The following ALPL variants were observed in gnomAD, a reference collection of about 807,000 sequenced individuals.
ALPL encodes the protein alkaline phosphatase, biomineralization associated.
ALPL carries 42 observed loss-of-function variants against 51.3 expected under a neutral mutation model. That is an observed-to-expected ratio of 0.82 (90% CI 0.64 to 1.06). ALPL has a LOEUF of 1.06. ALPL is among the 50% of genes least tolerant of loss of function. ALPL has a pLI of 0.00. For missense variants in ALPL, 589 were observed against 709.4 expected, an observed-to-expected ratio of 0.83 and a Z score of 1.93; for synonymous variants, 279 against 296.4, an observed-to-expected ratio of 0.94 and a Z score of 0.60.
At chr1:21,550,644 C>T (rs1644308648) in intron 1 of ALPL, among the ~76,000 whole-genome samples, 2 of 152,156 alleles carry the variant, frequency 1.3e-5, no homozygotes, top group South Asian at 4.1e-4. Flanking sequence ...AGCACCCACC[C>T]ACCCAGATCA....
chr1:21,532,247 A>C (rs1311955466), intron 1 of ALPL, among the ~76,000 whole-genome samples: 1 of 152,128 alleles, frequency 6.6e-6, no homozygotes, highest in Non-Finnish European at 1.5e-5. Context: ...GCTGGAGTGC[A>C]ATGGTGTGAT....
chr1:21,576,670 G>C, intron 11 of ALPL, 29 bp downstream of exon 11: 6 of 1,612,982 alleles, frequency 3.7e-6, no homozygotes, highest in Non-Finnish European at 5.1e-6. Context: ...AGGGCTGGGA[G>C]GGGACAGGGC....
At chr1:21,532,635 C>A (rs1644045572) in intron 1 of ALPL, among the ~76,000 whole-genome samples, 1 of 152,204 alleles carries the variant, frequency 6.6e-6, no homozygotes, top group Admixed American at 6.5e-5. Flanking sequence ...GAGAAAGCAG[C>A]CTCATTCTCT....
Position 21,546,280 on chromosome 1 carries a change from T to C in ALPL, c.-104-7698T>C, listed in dbSNP as rs143429840. Among the ~76,000 whole-genome samples the C allele has an allele frequency of 6.3e-4, 96 of 152,242 alleles. 1 individual carries two copies. The East Asian group carries it at 0.016, about 25-fold the overall frequency. ...CCTGTTATGGTGAGGTCAGTGGCCT[T>C]TCTGGGGTCAAGAAGAGGGGACTTT... On this transcript the variant is annotated intron_variant, in intron 1 of 11. Transcript: ENST00000374840.
intron 2 of ALPL, 95 bp from the exon 3 acceptor site, chr1:21,560,531 T>C (rs530166744): frequency 1.6e-5 from 25 of 1,522,596 alleles, no homozygotes; most frequent in Non-Finnish European, 2.2e-5. Flanking sequence ...AGTTCAGGCA[T>C]TCCAGCCTGA....
chr1:21,534,761 C>T lies in ALPL; in HGVS notation c.-104-19217C>T, dbSNP rs1329131629. Among the ~76,000 whole-genome samples, 6 of 152,322 alleles carry T rather than the reference C, an allele frequency of 3.9e-5. No individual in the cohort carries two copies. The East Asian group carries it at 9.6e-4, about 24-fold the overall frequency. ...GGCCCTGGGCAAGAATCCAGTTGCG[C>T]TGGTTGTATTGACATGCATGGACTT... On this transcript the variant is annotated intron_variant, in intron 1 of 11. Transcript: ENST00000374840.
intron 8 of ALPL, 137 bp from the exon 9 acceptor site, chr1:21,573,528 G>C (rs915155019): frequency 2.9e-6 from 3 of 1,046,530 alleles, no homozygotes; most frequent in Non-Finnish European, 4.3e-6. Context: ...CCCAGATAAG[G>C]ATCCTCCCAG....
At chr1:21,544,049 T>C (rs1330997526) in intron 1 of ALPL, among the ~76,000 whole-genome samples, 1 of 152,168 alleles carries the variant, frequency 6.6e-6, no homozygotes, top group Non-Finnish European at 1.5e-5. Flanking sequence ...GCCCAGTACC[T>C]GCCATCGATG....
At chr1:21,554,788 C>CCTTT (rs1644378293) in intron 2 of ALPL, among the ~76,000 whole-genome samples, 2 of 114,556 alleles carry the variant, frequency 1.7e-5, no homozygotes, top group African/African-American at 3.7e-5. Context: ...CCGCGCCTGG[C>CCTTT]CTGTCTGTCT....
chr1:21,569,740 C>G lies in ALPL; in HGVS notation c.793-565C>G, dbSNP rs138855028. ...AGTGCTGGGACCCCTGGTCCAGGCCCACATGGTGCCCTCTCCAGGCCTGGC... is the reference window on the plus strand; with the variant it reads ...AGTGCTGGGACCCCTGGTCCAGGCCGACATGGTGCCCTCTCCAGGCCTGGC... On this transcript the variant is annotated intron_variant, in intron 7 of 11. Transcript: ENST00000374840. Among the ~76,000 whole-genome samples the G allele has an allele frequency of 4.1e-3, 626 of 152,278 alleles. 2 individuals carry two copies. Among genetic ancestry groups the G allele is most frequent in the Non-Finnish European group, 5.0e-3 (340 of 68,006 alleles).
chr1:21,565,805 C>T (rs755284969), intron 6 of ALPL, among the ~76,000 whole-genome samples: 1 of 150,538 alleles, frequency 6.6e-6, no homozygotes. Flanking sequence ...CTGGTGTCCA[C>T]CCTGAAAATA....
At chr1:21,536,811 C>T (rs973544986) in intron 1 of ALPL, among the ~76,000 whole-genome samples, 6 of 151,840 alleles carry the variant, frequency 4.0e-5, no homozygotes, top group African/African-American at 1.5e-4. Flanking sequence ...AGTAGATGTC[C>T]ACTCCACTCA....
chr1:21,564,188 A>G lies in ALPL; in HGVS notation c.620A>G (p.Gln207Arg). 3 of 1,613,976 alleles carry G rather than the reference A, an allele frequency of 1.9e-6. No homozygotes were observed. The highest frequency in any genetic ancestry group is 1.7e-6 in the Non-Finnish European group (2 of 1,179,974). The stretch of plus-strand genomic sequence containing the variant: ...CAGGGCTGTAAGGACATCGCCTACC[A>G]GCTCATGCATAACATCAGGGACATT... ...LSQGCKDIAY[Q>R]LMHNIRDIDV... Residue 207 changes from glutamine to arginine, a missense_variant, in exon 6 of 12, where the codon CAG becomes CGG. Gln to Arg is a conservative substitution (Grantham distance 43). Transcript: ENST00000374840. This position sits in a 1 kb window ranked among gnomAD's most constrained non-coding sequence, Gnocchi z 5.8.
chr1:21,564,689 C>T lies in ALPL; in HGVS notation c.648+473C>T, dbSNP rs747263481. 3.3e-5 allele frequency among the ~76,000 whole-genome samples: 5 copies of T among 152,234 alleles called. No homozygotes were observed. The highest frequency in any genetic ancestry group is 7.3e-5 in the Non-Finnish European group (5 of 68,042). ...CTTCCGAGTTCCAGACCTTGCCCTG[C>T]GTGTTGCTAGCTGTGTGACCTTGGG... On this transcript the variant is annotated intron_variant, in intron 6 of 11. Coordinates refer to ENST00000374840, the MANE Select transcript of ALPL (RefSeq NM_000478.6). The surrounding 1 kb of genome is among the most constrained non-coding windows in gnomAD (Gnocchi z 5.8).
intron 1 of ALPL, among the ~76,000 whole-genome samples, chr1:21,515,084 T>C (rs1382533812): frequency 6.6e-6 from 1 of 152,186 alleles, no homozygotes; most frequent in Non-Finnish European, 1.5e-5. Context: ...GAGATGCTTC[T>C]TCATCCTTCC....
rs1215396637 is a variant in ALPL at position 21,577,830 on chromosome 1, A to C, written c.*182A>C. 1 of 814,364 alleles carries C rather than the reference A, an allele frequency of 1.2e-6. No individual in the cohort carries two copies. Among genetic ancestry groups the C allele is most frequent in the Non-Finnish European group, 1.9e-6 (1 of 531,328 alleles). 50.4% of individuals were successfully genotyped at this position (814,364 alleles called of 1,614,324 possible). On this transcript the variant is annotated 3_prime_UTR_variant, in exon 12 of 12. Coordinates refer to ENST00000374840, the MANE Select transcript of ALPL (RefSeq NM_000478.6). ...CCTCTGGAATCTTCCCCAAGGGCCAAACCCACTTCTGGCCTCCAGCCTTTG... is the reference window on the plus strand; with the variant it reads ...CCTCTGGAATCTTCCCCAAGGGCCACACCCACTTCTGGCCTCCAGCCTTTG...
At chr1:21,510,807 C>T (rs1643672007) in intron 1 of ALPL, among the ~76,000 whole-genome samples, 1 of 152,222 alleles carries the variant, frequency 6.6e-6, no homozygotes, top group African/African-American at 2.4e-5. Context: ...TGGGTGTCCC[C>T]ACGCTGTCCT....
In ALPL at chr1:21,556,149, G is replaced by A. The variant is rs371266046; in HGVS notation, c.61+2007G>A. 3.9e-5 allele frequency among the ~76,000 whole-genome samples: 6 copies of A among 152,158 alleles called. No individual in the cohort carries two copies. The South Asian group carries it at 8.3e-4, about 21-fold the overall frequency. ...GGCATGGTGTTTTCAGGACACTAGG[G>A]GTTCAACTAATTCTAGGCCAGTTTT... is the stretch of plus-strand genomic sequence containing the variant. On this transcript the variant is annotated intron_variant, in intron 2 of 11. Transcript: ENST00000374840.
intron 1 of ALPL, among the ~76,000 whole-genome samples, chr1:21,532,699 C>T (rs966958313): frequency 6.6e-6 from 1 of 152,232 alleles, no homozygotes; most frequent in Non-Finnish European, 1.5e-5. Flanking sequence ...CCAGGAAAGA[C>T]GTTCACGGCT....
Sources: gnomAD v4.1 joint callset for allele counts (sites outside exome capture counted in the v4.1 genomes callset) on GRCh38, gnomAD v4.1.1 for gene constraint, Gnocchi (gnomAD v3.1) non-coding constraint, MANE v1.5 for transcripts, NCBI Gene and HGNC (gene_info 2026-07-23, HGNC 2026-07-21) for gene names.